Variants in RAP1GAP2 observed in about 807,000 individuals in gnomAD.
RAP1GAP2 encodes the protein RAP1 GTPase activating protein 2, also known as rap1 GTPase-activating protein 2.
A neutral mutation model predicts 95.0 loss-of-function variants in RAP1GAP2; 27 were observed. The ratio of observed to expected loss-of-function variants is 0.28; its 90% CI spans 0.21 to 0.39. RAP1GAP2 has a LOEUF of 0.39. Ranked by LOEUF, RAP1GAP2 falls within the 10% of genes least tolerant of loss-of-function variation. The probability of loss-of-function intolerance (pLI) is 1.00; values close to 1 mark genes in which losing one functional copy is unlikely to be tolerated. For missense variants in RAP1GAP2, 771 were observed against 970.0 expected (o/e 0.79, Z 2.72); for synonymous variants, 373 against 380.9 (o/e 0.98, Z 0.24).
At chr17:2,945,396 T>C (rs867338372) in intron 3 of RAP1GAP2, among the ~76,000 whole-genome samples, 2 of 152,190 alleles carry the variant, frequency 1.3e-5, no homozygotes, top group Admixed American at 6.5e-5. Flanking sequence ...GTGAAATCTG[T>C]GAGGTTTTTT....
chr17:2,963,979 G>A lies in RAP1GAP2; in HGVS notation c.403G>A (p.Glu135Lys), dbSNP rs2044464302. 6.2e-7 allele frequency: 1 copy of A among 1,613,096 alleles called. No homozygotes were observed. The highest frequency in any genetic ancestry group is 2.2e-5 in the East Asian group (1 of 44,778). The change falls in exon 7 of 25, where the codon GAA becomes AAA. Residue 135 changes from glutamate (E) to lysine (K), a missense_variant. Glu to Lys is a moderately conservative substitution (Grantham distance 56, BLOSUM62 1). Transcript: ENST00000254695. The surrounding 1 kb of genome is among the most constrained non-coding windows in gnomAD (Gnocchi z 4.8). ...SLGSSICEEE[E>K]EDNLSPNTFG... ...GGGGAGCAGCATCTGTGAGGAGGAG[G>A]AAGAGGACAACCTCAGCCCCAACAC...
intron 2 of RAP1GAP2, among the ~76,000 whole-genome samples, chr17:2,848,352 G>C (rs1471264843): frequency 6.6e-6 from 1 of 152,100 alleles, no homozygotes; most frequent in Non-Finnish European, 1.5e-5. Context: ...AGGCCTCCGA[G>C]TCCTGGCCTG....
At chr17:2,812,714 G>A (rs2069824608) in intron 2 of RAP1GAP2, among the ~76,000 whole-genome samples, 2 of 152,102 alleles carry the variant, frequency 1.3e-5, no homozygotes, top group Admixed American at 1.3e-4. Context: ...TGCCGGCTGG[G>A]CGCAGTGGCT....
chr17:3,011,413 G>T (rs573430307), intron 17 of RAP1GAP2, among the ~76,000 whole-genome samples: 1 of 152,282 alleles, frequency 6.6e-6, no homozygotes, highest in African/African-American at 2.4e-5. Flanking sequence ...GGCCAGGCCT[G>T]TGTGTCTGGC....
chr17:3,018,172 A>G lies in RAP1GAP2; in HGVS notation c.1606A>G (p.Met536Val), dbSNP rs1335088862. ...CAGCGGGGGCATCTCCCACAACAGC[A>G]TGGAGGTCACCAAGACCACCTTCTC... ...SLSGGISHNS[M>V]EVTKTTFSPP... Residue 536 changes from methionine to valine, a missense_variant, in exon 18 of 25, where the codon ATG becomes GTG. By Grantham distance (21) the Met-to-Val change is conservative (BLOSUM62 1). Transcript: ENST00000254695. The G allele has an allele frequency of 5.7e-6, 9 of 1,577,660 alleles. No homozygotes were observed. Among genetic ancestry groups the G allele is most frequent in the Non-Finnish European group, 6.9e-6 (8 of 1,162,334 alleles).
chr17:2,864,611 C>CT lies in RAP1GAP2; in HGVS notation c.81-40672dup, dbSNP rs2072549175. 2.0e-5 allele frequency among the ~76,000 whole-genome samples: 3 copies of CT among 152,198 alleles called. No homozygotes were observed. In the South Asian group the frequency reaches 6.2e-4, roughly 32 times the overall value. ...GACGTACGGTGTGGGGAGCAGGAGG[C>CT]TGGGGGTTGGGAGCTCTGGGTGTAA... is the stretch of plus-strand genomic sequence containing the variant. On this transcript the variant is annotated intron_variant, in intron 2 of 24. Coordinates refer to ENST00000254695, the MANE Select transcript of RAP1GAP2 (RefSeq NM_015085.5).
intron 1 of RAP1GAP2, chr17:2,800,169 A>AT: frequency 4.1e-6 from 4 of 985,388 alleles, no homozygotes; most frequent in Non-Finnish European, 4.8e-6. Flanking sequence ...GGGTAGCCGT[A>AT]ATAAAGGGAG....
At chr17:2,912,934 T>G (rs1316633878) in intron 3 of RAP1GAP2, among the ~76,000 whole-genome samples, 2 of 152,114 alleles carry the variant, frequency 1.3e-5, no homozygotes, top group Admixed American at 6.6e-5. Flanking sequence ...TCCCAGCATT[T>G]TGGGAGGCTG....
chr17:2,784,716 C>A (rs2068735167), intron 1 of RAP1GAP2, among the ~76,000 whole-genome samples: 1 of 152,168 alleles, frequency 6.6e-6, no homozygotes, highest in Non-Finnish European at 1.5e-5. Flanking sequence ...GAGGGTGGGG[C>A]CCGTAATGAG....
At chr17:2,907,753 G>C (rs753206585) in intron 3 of RAP1GAP2, among the ~76,000 whole-genome samples, 1 of 152,100 alleles carries the variant, frequency 6.6e-6, no homozygotes, top group Non-Finnish European at 1.5e-5. Flanking sequence ...CACCATTTGC[G>C]AGCCCCTTAG....
intron 1 of RAP1GAP2, among the ~76,000 whole-genome samples, chr17:2,786,773 G>A (rs1250054081): frequency 1.3e-5 from 2 of 151,384 alleles, no homozygotes; most frequent in Non-Finnish European, 2.9e-5. Context: ...AGTCTCCTGA[G>A]TAGCTGGGAT....
chr17:2,942,808 C>T (rs1174720149), intron 3 of RAP1GAP2, among the ~76,000 whole-genome samples: 2 of 152,074 alleles, frequency 1.3e-5, no homozygotes, highest in Non-Finnish European at 2.9e-5. Context: ...TGCTCTGTCA[C>T]CCAGGCTGGA....
chr17:2,993,179 G>A (rs61053057), intron 12 of RAP1GAP2, among the ~76,000 whole-genome samples: 32,726 of 149,440 alleles, frequency 0.22, 6,023 homozygotes, highest in African/African-American at 0.5. Context: ...CTGAGATTGC[G>A]CCAGTGCACT....
rs903791231 is a variant in RAP1GAP2 at position 2,822,683 on chromosome 17, A to G, written c.80+22133A>G. 5.4e-5 allele frequency among the ~76,000 whole-genome samples: 7 copies of G among 128,736 alleles called. No individual in the cohort carries two copies. In the South Asian group the frequency reaches 1.7e-3, roughly 32 times the overall value. The allele number at this position is 128,736 out of a possible 152,430, so 84.5% of individuals were successfully genotyped here. On this transcript the variant is annotated intron_variant, in intron 2 of 24. Transcript: ENST00000254695. ...GGTGGCTCACGCCTATAATCCCAGC[A>G]CTTTTTTTTTTTCCTTTGGGGAAAT...
chr17:2,827,891 G>T lies in RAP1GAP2; in HGVS notation c.80+27341G>T, dbSNP rs1406615768. On this transcript the variant is annotated intron_variant, in intron 2 of 24. Transcript: ENST00000254695. This position sits in a 1 kb window ranked among gnomAD's most constrained non-coding sequence, Gnocchi z 4.1. ...GCAGCAGGCACGCCAGTGACGGTGG[G>T]GGCCCAGGGGGAGCGTGGCAGAGGC... is the stretch of plus-strand genomic sequence containing the variant. Among the ~76,000 whole-genome samples the T allele has an allele frequency of 6.6e-6, 1 of 152,168 alleles. No homozygotes were observed. The highest frequency in any genetic ancestry group is 1.5e-5 in the Non-Finnish European group (1 of 68,034).
intron 2 of RAP1GAP2, among the ~76,000 whole-genome samples, chr17:2,878,625 C>G (rs1315710658): frequency 6.6e-6 from 1 of 152,200 alleles, no homozygotes; most frequent in Non-Finnish European, 1.5e-5. Flanking sequence ...CCTGCTGGTT[C>G]ATCAGCCTAA....
At chr17:2,792,487 G>A (rs2068949970), upstream of RAP1GAP2, among the ~76,000 whole-genome samples, 1 of 152,158 alleles carries the variant, frequency 6.6e-6, no homozygotes, top group Admixed American at 6.5e-5. Flanking sequence ...AGGCAGCGTG[G>A]GAAAGGCCCT....
upstream of RAP1GAP2, among the ~76,000 whole-genome samples, chr17:2,796,111 G>A (rs1045953241): frequency 1.3e-5 from 2 of 152,194 alleles, no homozygotes; most frequent in Non-Finnish European, 1.5e-5. The surrounding 1 kb of genome is among the most constrained non-coding windows in gnomAD (Gnocchi z 4.7). Flanking sequence ...GTGCTCAGGC[G>A]TCCCTGAGGC....
intron 16 of RAP1GAP2, 133 bp from the exon 17 acceptor site, chr17:3,007,878 G>A: frequency 1.9e-6 from 2 of 1,073,806 alleles, no homozygotes; most frequent in Non-Finnish European, 2.6e-6. Flanking sequence ...CAGCTCAGCA[G>A]TAGGTCCACA....
Sources: allele counts gnomAD v4.1 joint callset (sites outside exome capture counted in the v4.1 genomes callset), GRCh38; gene constraint gnomAD v4.1.1; non-coding constraint Gnocchi (gnomAD v3.1); transcripts MANE v1.5; gene names NCBI Gene and HGNC (gene_info 2026-07-23, HGNC 2026-07-21).